VEPH1: variants seen among roughly 807,000 people sequenced by gnomAD.
VEPH1 encodes ventricular zone-expressed PH domain-containing protein homolog 1.
Under a neutral mutation model 85.2 loss-of-function variants are expected in VEPH1, and 80 were observed. The ratio of observed to expected loss-of-function variants is 0.94; its 90% CI spans 0.78 to 1.13. The LOEUF is 1.13. Ranked by LOEUF, VEPH1 falls within the 50% of genes most tolerant of loss-of-function variation. VEPH1 has a pLI of 0.00. For missense variants in VEPH1, 955 were observed against 980.5 expected, an observed-to-expected ratio of 0.97 and a Z score of 0.35; for synonymous variants, 297 against 348.0, an observed-to-expected ratio of 0.85 and a Z score of 1.63.
chr3:157,279,510 T>G (rs963608877), intron 12 of VEPH1, among the ~76,000 whole-genome samples: 15 of 151,900 alleles, frequency 9.9e-5, no homozygotes, highest in African/African-American at 3.6e-4. Context: ...AAGTGAGAGA[T>G]AAGGCAGTAG....
chr3:157,318,613 A>T (rs1346861368), intron 9 of VEPH1, among the ~76,000 whole-genome samples: 1 of 114,816 alleles, frequency 8.7e-6, no homozygotes, highest in South Asian at 3.6e-4. Flanking sequence ...TCCCAAAAAA[A>T]CAAAACAAAA....
chr3:157,269,668 C>G (rs1714281533), intron 12 of VEPH1, among the ~76,000 whole-genome samples: 1 of 74,868 alleles, frequency 1.3e-5, no homozygotes, highest in Non-Finnish European at 2.7e-5. Context: ...TTTGCTATTA[C>G]ATCTAACATA....
At chr3:157,499,037 G>C (rs920438334) in intron 1 of VEPH1, among the ~76,000 whole-genome samples, 1 of 152,106 alleles carries the variant, frequency 6.6e-6, no homozygotes, top group African/African-American at 2.4e-5. Flanking sequence ...CCACCTAAGA[G>C]GAAACAGGAC....
chr3:157,269,633 G>GTT (rs1402168956), intron 12 of VEPH1, among the ~76,000 whole-genome samples: 2 of 87,064 alleles, frequency 2.3e-5, no homozygotes, highest in South Asian at 3.6e-4. Flanking sequence ...TTTTGTTTTT[G>GTT]TTTTTGTTGT....
chr3:157,488,910 TTCTCTC>T (rs58292793), intron 2 of VEPH1: 10,100 of 127,546 alleles, frequency 0.079, 943 homozygotes, highest in African/African-American at 0.24. Context: ...CTTAAGTTCG[TTCTCTC>T]TCTCTCTCTC....
At chr3:157,476,981 C>T (rs1737530012) in intron 2 of VEPH1, among the ~76,000 whole-genome samples, 2 of 152,144 alleles carry the variant, frequency 1.3e-5, no homozygotes, top group Non-Finnish European at 2.9e-5. Flanking sequence ...GAGGTGCTAG[C>T]TGAAGATGAA....
intron 9 of VEPH1, among the ~76,000 whole-genome samples, chr3:157,354,629 C>T (rs1286636472): frequency 6.6e-6 from 1 of 152,166 alleles, no homozygotes; most frequent in Non-Finnish European, 1.5e-5. Flanking sequence ...TTTATCCCCC[C>T]TCCAACTTGT....
intron 6 of VEPH1, among the ~76,000 whole-genome samples, chr3:157,386,899 A>G (rs779189654): frequency 9.8e-5 from 15 of 152,346 alleles, no homozygotes; most frequent in South Asian, 4.1e-4. Flanking sequence ...TCTTAGTATT[A>G]TTGTAAAAAT....
intron 4 of VEPH1, among the ~76,000 whole-genome samples, chr3:157,450,888 A>G (rs2109304743): frequency 6.6e-6 from 1 of 152,294 alleles, no homozygotes; most frequent in South Asian, 2.1e-4. Context: ...TACATAGGTT[A>G]AAAGGCCAGT....
chr3:157,328,483 T>C (rs1198707745), intron 9 of VEPH1, among the ~76,000 whole-genome samples: 1 of 152,186 alleles, frequency 6.6e-6, no homozygotes, highest in African/African-American at 2.4e-5. Context: ...TAAAATGAAC[T>C]TACTACACAG....
In VEPH1 at chr3:157,375,766, A is replaced by G. The variant is rs145770217; in HGVS notation, c.1127+5390T>C. On this transcript the variant is annotated intron_variant, in intron 7 of 13. Transcript: ENST00000362010. ...TACACCTATTCAGTCAGTTTTGACT[A>G]TAATTTCGCTTTCATTATCCCTTTC... 2.8e-3 allele frequency among the ~76,000 whole-genome samples: 421 copies of G among 152,292 alleles called. 5 individuals carry two copies. In the East Asian group the frequency reaches 0.043, roughly 16 times the overall value.
intron 2 of VEPH1, among the ~76,000 whole-genome samples, chr3:157,486,373 G>C (rs1001558839): frequency 4.6e-5 from 7 of 151,518 alleles, no homozygotes; most frequent in African/African-American, 1.7e-4. Flanking sequence ...GTGGGCACCT[G>C]TAATCCCAGC....
chr3:157,442,929 T>A (rs751641189), intron 4 of VEPH1: 1 of 1,613,892 alleles, frequency 6.2e-7, no homozygotes, highest in Non-Finnish European at 8.5e-7. Context: ...TATTGTTGGG[T>A]GGGGAGTCAC....
At chr3:157,497,228 C>A (rs1333437278) in intron 1 of VEPH1, among the ~76,000 whole-genome samples, 2 of 152,122 alleles carry the variant, frequency 1.3e-5, no homozygotes, top group Non-Finnish European at 1.5e-5. Context: ...GCAGGGTTAT[C>A]AAGCAAGAAA....
Position 157,417,277 on chromosome 3 carries a change from G to A in VEPH1, c.697-3187C>T, listed in dbSNP as rs139695011. On this transcript the variant is annotated intron_variant, in intron 5 of 13. Coordinates refer to ENST00000362010, the MANE Select transcript of VEPH1 (RefSeq NM_001167912.2). ...CTTCAGTGCTTCCTCATTGGGAGCC[G>A]CCTTCCTGACTCAGGGAATGCTGTG... 3.9e-3 allele frequency among the ~76,000 whole-genome samples: 593 copies of A among 152,212 alleles called. 4 individuals carry two copies. Among genetic ancestry groups the A allele is most frequent in the African/African-American group, 0.014 (561 of 41,534 alleles).
intron 12 of VEPH1, among the ~76,000 whole-genome samples, chr3:157,276,948 C>G (rs1039486939): frequency 6.6e-6 from 1 of 150,896 alleles, no homozygotes; most frequent in Non-Finnish European, 1.5e-5. Context: ...GGTTGGAATG[C>G]AGTGGCATGT....
At chr3:157,332,114 C>A (rs1287475915) in intron 9 of VEPH1, among the ~76,000 whole-genome samples, 1 of 152,186 alleles carries the variant, frequency 6.6e-6, no homozygotes, top group African/African-American at 2.4e-5. Flanking sequence ...TTAACCCAGA[C>A]CATTCCATAA....
chr3:157,380,171 G>A lies in VEPH1; in HGVS notation c.1127+985C>T, dbSNP rs1309120188. On this transcript the variant is annotated intron_variant, in intron 7 of 13. Coordinates refer to ENST00000362010, the MANE Select transcript of VEPH1 (RefSeq NM_001167912.2). ...CCTGTTTTCTGCTAGCCACACCAAT[G>A]GCAGCTTCCTCACCTCAATCGTCAA... 3.3e-5 allele frequency among the ~76,000 whole-genome samples: 5 copies of A among 152,070 alleles called. No individual in the cohort carries two copies. In the South Asian group the frequency reaches 8.3e-4, roughly 25 times the overall value.
Position 157,272,375 on chromosome 3 carries a change from T to TTTTCTTTCTTTCTTTCTTTC in VEPH1, c.2129-6733_2129-6714dup, listed in dbSNP as rs758495924. Among the ~76,000 whole-genome samples, 93 of 95,032 alleles carry TTTTCTTTCTTTCTTTCTTTC rather than the reference T, an allele frequency of 9.8e-4. 1 individual carries two copies. The highest frequency in any genetic ancestry group is 2.1e-3 in the South Asian group (5 of 2,428). The allele number at this position is 95,032 out of a possible 152,430, so 62.3% of individuals were successfully genotyped here. A position where few individuals can be genotyped will look rare whatever the true frequency, so the allele number is the denominator to read the frequency against. ...CTCTCTCTTTCTTTCTTTCTCTTTC[T>TTTTCTTTCTTTCTTTCTTTC]TTTCTTTCTTTCTTTCTTTCTTTCT... On this transcript the variant is annotated intron_variant, in intron 12 of 13. Coordinates refer to ENST00000362010, the MANE Select transcript of VEPH1 (RefSeq NM_001167912.2).
Sources: gnomAD v4.1 joint callset for allele counts (sites outside exome capture counted in the v4.1 genomes callset) on GRCh38, gnomAD v4.1.1 for gene constraint, MANE v1.5 for transcripts, NCBI Gene and HGNC (gene_info 2026-07-23, HGNC 2026-07-21) for gene names.